The following ST3GAL5 variants were observed in gnomAD, a reference collection of about 807,000 sequenced individuals.
ST3GAL5 encodes the protein ST3 beta-galactoside alpha-2,3-sialyltransferase 5, also known as lactosylceramide alpha-2,3-sialyltransferase.
ST3GAL5 carries 25 observed loss-of-function variants against 46.1 expected under a neutral mutation model. The observed-to-expected ratio is 0.54, with a 90% CI of 0.40 to 0.76. The LOEUF is 0.76. ST3GAL5 is among the 30% of genes least tolerant of loss of function. The pLI is 0.00. For synonymous variants in ST3GAL5, 182 were observed against 192.7 expected, an observed-to-expected ratio of 0.94 and a Z score of 0.46; for missense variants, 431 against 521.2, an observed-to-expected ratio of 0.83 and a Z score of 1.69.
intron 1 of ST3GAL5, chr2:85,867,563 C>G: frequency 1.3e-6 from 1 of 780,272 alleles, no homozygotes; most frequent in Non-Finnish European, 2.4e-6. Context: ...AAGAGGCTGA[C>G]GAATCCAGTT....
chr2:85,858,242 T>TC (rs1355329344), intron 3 of ST3GAL5: 2 of 152,194 alleles, frequency 1.3e-5, no homozygotes, highest in Non-Finnish European at 2.9e-5. Context: ...CCACAGAATC[T>TC]CAGACCTGGA....
rs567890489 is a variant in ST3GAL5, at chr2:85,881,257, GC to G, written c.82+7566del. Among the ~76,000 whole-genome samples, 27 of 152,274 alleles carry G rather than the reference GC, an allele frequency of 1.8e-4. No individual in the cohort carries two copies. The South Asian group carries it at 5.2e-3, about 29-fold the overall frequency. The stretch of plus-strand genomic sequence containing the variant: ...ATTAAACCTCTTTCTTGTATAAATT[GC>G]CCAGTCTTGGGTATGTCTTTATCAG... On this transcript the variant is annotated intron_variant, in intron 1 of 6. Transcript: ENST00000638572.
At chr2:85,885,611 G>A (rs553034383) in intron 1 of ST3GAL5, among the ~76,000 whole-genome samples, 1 of 151,908 alleles carries the variant, frequency 6.6e-6, no homozygotes, top group Non-Finnish European at 1.5e-5. Flanking sequence ...GGCGGATCAC[G>A]AGGTCAGGAA....
chr2:85,884,823 T>TAAGC (rs1242026392), intron 1 of ST3GAL5, among the ~76,000 whole-genome samples: 1 of 152,182 alleles, frequency 6.6e-6, no homozygotes, highest in Non-Finnish European at 1.5e-5. Context: ...TCAATACACA[T>TAAGC]AAGCTCTGAA....
In ST3GAL5 at chr2:85,839,989, T is replaced by A; in HGVS notation, c.*155A>T. 1.4e-5 allele frequency: 15 copies of A among 1,071,344 alleles called. No homozygotes were observed. Among genetic ancestry groups the A allele is most frequent in the East Asian group, 2.6e-5 (1 of 38,306 alleles). 66.4% of individuals were successfully genotyped at this position (1,071,344 alleles called of 1,614,324 possible). A position where few individuals can be genotyped will look rare whatever the true frequency, so the allele number is the denominator to read the frequency against. The stretch of plus-strand genomic sequence containing the variant: ...CCTCAAATAAATAGGAAAAAAAAAG[T>A]GGGAAGAGCTAAAATTTTTTTTGTG... On this transcript the variant is annotated 3_prime_UTR_variant, in exon 7 of 7. Coordinates refer to ENST00000638572, the MANE Select transcript of ST3GAL5 (RefSeq NM_003896.4).
At chr2:85,862,477 A>G (rs976194148) in intron 2 of ST3GAL5, among the ~76,000 whole-genome samples, 1 of 151,344 alleles carries the variant, frequency 6.6e-6, no homozygotes, top group African/African-American at 2.4e-5. Context: ...CATTCAGTGC[A>G]TACACTTCCC....
Position 85,848,517 on chromosome 2 carries a change from G to A in ST3GAL5, c.319-313C>T, listed in dbSNP as rs1047440734. On this transcript the variant is annotated intron_variant, in intron 3 of 6. Transcript: ENST00000638572. ...ACATTTGGGGTGAAAATGTACTTCG[G>A]GGTGTCTAAGACTTCATGTTTCATA... 4 of 778,650 alleles carry A rather than the reference G, an allele frequency of 5.1e-6. No homozygotes were observed. In the African/African-American group the frequency reaches 7.2e-5, roughly 14 times the overall value. The allele number at this position is 778,650 out of a possible 1,614,324, so 48.2% of individuals were successfully genotyped here.
chr2:85,857,066 CAAAAAAAAAAA>C (rs373154047), intron 3 of ST3GAL5, among the ~76,000 whole-genome samples: 11 of 70,894 alleles, frequency 1.6e-4, no homozygotes, highest in African/African-American at 6.0e-4. Context: ...CTGCCTCTAC[CAAAAAAAAAAA>C]AAAAAAAAAA....
intron 3 of ST3GAL5, chr2:85,851,689 C>A (rs1408182109): frequency 2.3e-6 from 3 of 1,289,316 alleles, no homozygotes; most frequent in Non-Finnish European, 3.0e-6. Context: ...AAGGCGAGTG[C>A]CGCACCTTCA....
At position 85,867,464 on chromosome 2, in the gene ST3GAL5, C is replaced by T. The variant is rs190188927; in HGVS notation, c.83-3979G>A. On this transcript the variant is annotated intron_variant, in intron 1 of 6. Coordinates refer to ENST00000638572, the MANE Select transcript of ST3GAL5 (RefSeq NM_003896.4). ...AGTTTTATAAAAATCTATGCATCTACACATGTAGTTACCTCCTGGGATATA... is the reference window on the plus strand; with the variant it reads ...AGTTTTATAAAAATCTATGCATCTATACATGTAGTTACCTCCTGGGATATA... 2.6e-4 allele frequency: 182 copies of T among 693,998 alleles called. 1 individual carries two copies. In the Admixed American group the frequency reaches 3.8e-3, roughly 14 times the overall value. The allele number at this position is 693,998 out of a possible 1,614,324, so 43.0% of individuals were successfully genotyped here.
intron 3 of ST3GAL5, chr2:85,848,676 G>T: frequency 3.6e-6 from 1 of 279,402 alleles, no homozygotes; most frequent in Non-Finnish European, 7.0e-6. Flanking sequence ...TAAAAACATG[G>T]TTACCAGGGT....
At chr2:85,862,409 T>G (rs1317260989) in intron 2 of ST3GAL5, among the ~76,000 whole-genome samples, 1 of 152,142 alleles carries the variant, frequency 6.6e-6, no homozygotes, top group Non-Finnish European at 1.5e-5. Flanking sequence ...CTTTTGAATT[T>G]TCAATCTTGA....
intron 1 of ST3GAL5, among the ~76,000 whole-genome samples, chr2:85,875,055 C>T (rs17026729): frequency 0.058 from 8,774 of 152,000 alleles, 282 homozygotes; most frequent in East Asian, 0.12. Flanking sequence ...AAATGGCAAA[C>T]GGATCTTTTT....
chr2:85,863,308 T>G, intron 2 of ST3GAL5, 54 bp downstream of exon 2: 1 of 1,612,350 alleles, frequency 6.2e-7, no homozygotes, highest in Non-Finnish European at 8.5e-7. Flanking sequence ...TTCTCCTAGT[T>G]CTACACAGTT....
chr2:85,865,322 GA>G (rs1188971281), intron 1 of ST3GAL5, among the ~76,000 whole-genome samples: 1 of 150,976 alleles, frequency 6.6e-6, no homozygotes, highest in African/African-American at 2.4e-5. Flanking sequence ...CATCTTCTTT[GA>G]AAAAAATCTG....
At chr2:85,882,825 A>C (rs1301949689) in intron 1 of ST3GAL5, among the ~76,000 whole-genome samples, 1 of 85,262 alleles carries the variant, frequency 1.2e-5, no homozygotes, top group African/African-American at 4.4e-5. Context: ...ACGGAGAGAG[A>C]CTCTGTCTCA....
chr2:85,843,501 C>A (rs1682400246), intron 6 of ST3GAL5, among the ~76,000 whole-genome samples: 1 of 152,204 alleles, frequency 6.6e-6, no homozygotes, highest in Admixed American at 6.5e-5. Flanking sequence ...AACATTTTTA[C>A]ATGTATTCTT....
chr2:85,861,820 TAC>T (rs148873510), intron 2 of ST3GAL5, among the ~76,000 whole-genome samples: 36 of 149,412 alleles, frequency 2.4e-4, no homozygotes, highest in South Asian at 4.2e-4. Context: ...TATAGTTTAA[TAC>T]ACACACACAC....
intron 1 of ST3GAL5, chr2:85,867,490 T>A (rs1685410675): frequency 2.7e-6 from 2 of 742,214 alleles, no homozygotes; most frequent in African/African-American, 1.7e-5. Context: ...CTGGGATATA[T>A]CTATTAAAGG....
Sources: allele counts gnomAD v4.1 joint callset (sites outside exome capture counted in the v4.1 genomes callset), GRCh38; gene constraint gnomAD v4.1.1; transcripts MANE v1.5; gene names NCBI Gene and HGNC (gene_info 2026-07-23, HGNC 2026-07-21).